The following PTPN22 variants were observed in gnomAD, a reference collection of about 807,000 sequenced individuals.
PTPN22 encodes the protein tyrosine-protein phosphatase non-receptor type 22.
In PTPN22, 85 loss-of-function variants were observed where a neutral mutation model predicts 103.3. The observed-to-expected ratio is 0.82, with a 90% CI of 0.69 to 0.99. PTPN22 has a LOEUF of 0.99. PTPN22 is among the 50% of genes least tolerant of loss of function. The pLI, the probability that PTPN22 is intolerant of heterozygous loss-of-function variation, is 0.00. For missense variants in PTPN22, 865 were observed against 936.9 expected, an observed-to-expected ratio of 0.92 and a Z score of 1.00; for synonymous variants, 323 against 310.2, an observed-to-expected ratio of 1.04 and a Z score of -0.43.
chr1:113,817,549 C>T (rs888892122), intron 20 of PTPN22, among the ~76,000 whole-genome samples: 1 of 152,064 alleles, frequency 6.6e-6, no homozygotes, highest in African/African-American at 2.4e-5. Flanking sequence ...GTGATCCTCC[C>T]ACCTCAGCCT....
chr1:113,841,622 G>GGACA (rs1663555805), intron 11 of PTPN22, among the ~76,000 whole-genome samples: 1 of 150,208 alleles, frequency 6.7e-6, no homozygotes, highest in Non-Finnish European at 1.5e-5. Flanking sequence ...TGGTGGAGGG[G>GGACA]GACAGAGTCT....
At chr1:113,826,100 C>T (rs1662036322) in intron 18 of PTPN22, among the ~76,000 whole-genome samples, 1 of 151,948 alleles carries the variant, frequency 6.6e-6, no homozygotes, top group Non-Finnish European at 1.5e-5. Flanking sequence ...AATTCCAGCA[C>T]TTTGGGAGGC....
At chr1:113,823,966 T>G (rs1031351273) in intron 19 of PTPN22, among the ~76,000 whole-genome samples, 5 of 152,162 alleles carry the variant, frequency 3.3e-5, no homozygotes, top group African/African-American at 1.2e-4. Flanking sequence ...AAAGGAAACC[T>G]TCTTTCTTAG....
At position 113,834,989 on chromosome 1, in the gene PTPN22, A is replaced by G. The variant is rs554195846; in HGVS notation, c.1815T>C (p.Thr605=). The G allele has an allele frequency of 2.8e-4, 428 of 1,540,832 alleles. 1 individual carries two copies. Among genetic ancestry groups the G allele is most frequent in the Non-Finnish European group, 2.9e-4 (336 of 1,147,592 alleles). ...GGATTTCATCATCTATCCTTGGAGC[A>G]GTTGCTATCCAAAATGTCAAAAATA... Residue 605 remains threonine, a synonymous_variant, in exon 14 of 21, where the codon ACT becomes ACC. Coordinates refer to ENST00000359785, the Ensembl canonical transcript of PTPN22.
chr1:113,854,195 G>T (rs1291664617), intron 9 of PTPN22, among the ~76,000 whole-genome samples: 1 of 152,004 alleles, frequency 6.6e-6, no homozygotes, highest in Non-Finnish European at 1.5e-5. Flanking sequence ...ATTCAAAACC[G>T]AAAAGAGGTG....
intron 11 of PTPN22, among the ~76,000 whole-genome samples, chr1:113,842,039 T>TA (rs887359912): frequency 3.2e-4 from 47 of 148,674 alleles, no homozygotes; most frequent in Admixed American, 9.4e-4. Context: ...ACCCTGTCTC[T>TA]AAAAAAAAAA....
At chr1:113,834,193 T>G in intron 15 of PTPN22, 116 bp downstream of exon 15, 7 of 1,100,296 alleles carry the variant, frequency 6.4e-6, no homozygotes, top group Non-Finnish European at 9.1e-6. Context: ...CTCTAGCACA[T>G]TGTTCTATAT....
chr1:113,847,577 G>T (rs77633076), intron 11 of PTPN22, among the ~76,000 whole-genome samples: 1 of 138,786 alleles, frequency 7.2e-6, no homozygotes. Flanking sequence ...TTCTCTTTTT[G>T]CTGGGGCTTT....
At chr1:113,838,605 A>G in exon 12 of PTPN22, 1 of 1,613,636 alleles carries the variant, frequency 6.2e-7, no homozygotes, top group East Asian at 2.2e-5. Flanking sequence ...TCAGGAATAC[A>G]ATGCTTTGCT....
At chr1:113,825,114 A>G (rs1482018554) in intron 19 of PTPN22, 28 bp downstream of exon 19, 3 of 1,427,092 alleles carry the variant, frequency 2.1e-6, no homozygotes, top group East Asian at 4.6e-5. Context: ...TGAGAAAACG[A>G]TATTTTTAAA....
At chr1:113,847,685 T>A (rs752113298) in intron 11 of PTPN22, among the ~76,000 whole-genome samples, 5 of 151,836 alleles carry the variant, frequency 3.3e-5, no homozygotes, top group Non-Finnish European at 5.9e-5. Context: ...TTCAAATGAT[T>A]CTCATGCCTC....
intron 18 of PTPN22, among the ~76,000 whole-genome samples, chr1:113,826,049 A>C (rs560441448): frequency 6.6e-6 from 1 of 151,920 alleles, no homozygotes; most frequent in African/African-American, 2.4e-5. Flanking sequence ...CAGAATATTG[A>C]CGGGGAGCAG....
intron 18 of PTPN22, among the ~76,000 whole-genome samples, chr1:113,828,770 G>A (rs907373716): frequency 6.6e-6 from 1 of 152,036 alleles, no homozygotes; most frequent in Non-Finnish European, 1.5e-5. Flanking sequence ...TGAGTAGCTG[G>A]GACTGCAGGC....
chr1:113,850,228 GGAAGGAAGGAA>G (rs1664454081), intron 10 of PTPN22, among the ~76,000 whole-genome samples: 2 of 138,988 alleles, frequency 1.4e-5, no homozygotes, highest in Admixed American at 7.2e-5. Flanking sequence ...AAGGAAGGAA[GGAAGGAAGGAA>G]GGAAGGAAGG....
chr1:113,870,436 G>C (rs1558063700), intron 1 of PTPN22, among the ~76,000 whole-genome samples: 1 of 152,134 alleles, frequency 6.6e-6, no homozygotes, highest in Non-Finnish European at 1.5e-5. Context: ...ATACATGATA[G>C]GTACTATTAG....
chr1:113,829,832 A>T, intron 17 of PTPN22, 117 bp downstream of exon 17: 2 of 1,227,362 alleles, frequency 1.6e-6, no homozygotes, highest in Non-Finnish European at 2.3e-6. Context: ...AGGGGCTTTT[A>T]AAATGTATTC....
At chr1:113,839,892 T>C (rs1663379043) in intron 11 of PTPN22, among the ~76,000 whole-genome samples, 1 of 135,962 alleles carries the variant, frequency 7.4e-6, no homozygotes, top group Non-Finnish European at 1.6e-5. Flanking sequence ...ATTTTGTTCT[T>C]AGGCAAGAAA....
chr1:113,859,184 GTGAATGAA>G (rs534498840), intron 2 of PTPN22, 106 bp from the exon 3 acceptor site: 14 of 1,555,734 alleles, frequency 9.0e-6, no homozygotes, highest in Middle Eastern at 1.7e-4. Flanking sequence ...GAACAAGTGA[GTGAATGAA>G]TGAATGAATG....
chr1:113,860,306 C>A (rs1665456731), intron 1 of PTPN22, among the ~76,000 whole-genome samples: 1 of 152,132 alleles, frequency 6.6e-6, no homozygotes, highest in African/African-American at 2.4e-5. Flanking sequence ...TATTGCTAAT[C>A]TCTTATTGTG....
Sources: allele counts gnomAD v4.1 joint callset (sites outside exome capture counted in the v4.1 genomes callset), GRCh38; gene constraint gnomAD v4.1.1; transcripts MANE v1.5; gene names NCBI Gene and HGNC (gene_info 2026-07-23, HGNC 2026-07-21).